Variants in EML1 observed in about 807,000 individuals in gnomAD.
EML1 encodes echinoderm microtubule-associated protein-like 1.
A neutral mutation model predicts 110.4 loss-of-function variants in EML1; 27 were observed. The observed-to-expected ratio is 0.24, with a 90% CI of 0.18 to 0.34. The LOEUF is 0.34. EML1 is among the 10% of genes least tolerant of loss of function. EML1 has a pLI of 1.00. For synonymous variants in EML1, 344 were observed against 385.8 expected (o/e 0.89, Z 1.27); for missense variants, 741 against 1,030.9 (o/e 0.72, Z 3.85).
At chr14:99,889,883 C>T (rs2059556875) in intron 4 of EML1, among the ~76,000 whole-genome samples, 1 of 152,160 alleles carries the variant, frequency 6.6e-6, no homozygotes, top group South Asian at 2.1e-4. Flanking sequence ...AAGCCTATAG[C>T]TTACAAAACT....
chr14:99,919,756 C>G (rs961938691), intron 16 of EML1, among the ~76,000 whole-genome samples: 1 of 152,090 alleles, frequency 6.6e-6, no homozygotes, highest in Non-Finnish European at 1.5e-5. Flanking sequence ...TCAGCCCCAG[C>G]CTTTATTAAG....
In EML1 at chr14:99,914,555, G is replaced by T; in HGVS notation, c.1621-11G>T. The T allele has an allele frequency of 6.3e-7, 1 of 1,582,128 alleles. No homozygotes were observed. Among genetic ancestry groups the T allele is most frequent in the African/African-American group, 1.4e-5 (1 of 72,720 alleles). On this transcript the variant is annotated splice_polypyrimidine_tract_variant and intron_variant, in intron 14 of 21. Coordinates refer to ENST00000262233, the MANE Select transcript of EML1 (RefSeq NM_004434.3). ...TCTCAGAGCGCTTCTGTTTGTCTTG[G>T]TTATTTGTAGGGTCACACTGATGAG...
chr14:99,829,957 C>T (rs185569786), intron 1 of EML1, among the ~76,000 whole-genome samples: 1 of 152,156 alleles, frequency 6.6e-6, no homozygotes, highest in African/African-American at 2.4e-5. Flanking sequence ...TTGAACATAG[C>T]TTTGAAATAC....
At chr14:99,798,832 C>A (rs1566869962) in intron 1 of EML1, among the ~76,000 whole-genome samples, 1 of 149,192 alleles carries the variant, frequency 6.7e-6, no homozygotes, top group African/African-American at 2.5e-5. Context: ...ATTTAATTAC[C>A]TTTTTTTTTT....
intron 1 of EML1, among the ~76,000 whole-genome samples, chr14:99,847,011 A>C (rs2058717235): frequency 1.3e-5 from 2 of 152,268 alleles, no homozygotes; most frequent in Admixed American, 6.5e-5. Context: ...TTTTCCTCAA[A>C]GCCCTGCTTT....
intron 1 of EML1, among the ~76,000 whole-genome samples, chr14:99,767,429 C>T (rs146192043): frequency 0.02 from 3,077 of 152,304 alleles, 40 homozygotes; most frequent in Non-Finnish European, 0.032. Flanking sequence ...TGGTGAAGCC[C>T]CAACTCTACT....
upstream of EML1, among the ~76,000 whole-genome samples, chr14:99,792,450 C>A (rs2057686288): frequency 6.6e-6 from 1 of 152,190 alleles, no homozygotes; most frequent in African/African-American, 2.4e-5. Context: ...TCTTTACTTA[C>A]TTTACTCCAT....
At chr14:99,758,998 G>A (rs1303417304) in intron 1 of EML1, among the ~76,000 whole-genome samples, 3 of 152,218 alleles carry the variant, frequency 2.0e-5, no homozygotes, top group Non-Finnish European at 2.9e-5. Context: ...CTTGCTTCAC[G>A]CCCATAGATG....
chr14:99,780,825 T>TG (rs148160965), intron 1 of EML1, among the ~76,000 whole-genome samples: 125 of 152,332 alleles, frequency 8.2e-4, no homozygotes, highest in African/African-American at 2.9e-3. Flanking sequence ...CTAGGAGCAA[T>TG]GGGCTGTACC....
intron 9 of EML1, among the ~76,000 whole-genome samples, chr14:99,906,660 T>C (rs143539869): frequency 0.012 from 1,834 of 152,310 alleles, 18 homozygotes; most frequent in Middle Eastern, 0.048. Flanking sequence ...CCTAACCATC[T>C]GGGAATGCAG....
intron 1 of EML1, among the ~76,000 whole-genome samples, chr14:99,756,561 A>G (rs972963965): frequency 3.3e-5 from 5 of 152,210 alleles, no homozygotes; most frequent in Admixed American, 6.5e-5. Context: ...TTGGAGCCAT[A>G]TGACAGTCTA....
intron 13 of EML1, among the ~76,000 whole-genome samples, chr14:99,912,023 G>A (rs1488179336): frequency 1.3e-5 from 2 of 150,424 alleles, no homozygotes; most frequent in African/African-American, 4.9e-5. Context: ...AGCCTCCCAA[G>A]TAGCTGCGAC....
intron 1 of EML1, among the ~76,000 whole-genome samples, chr14:99,805,973 T>TC (rs2057965464): frequency 6.6e-6 from 1 of 152,060 alleles, no homozygotes; most frequent in African/African-American, 2.4e-5. Context: ...TTCCCCACTC[T>TC]CCCCCGCCAG....
At chr14:99,856,567 T>G (rs1019001179) in intron 2 of EML1, among the ~76,000 whole-genome samples, 1 of 152,232 alleles carries the variant, frequency 6.6e-6, no homozygotes, top group African/African-American at 2.4e-5. Context: ...CTACTGCACC[T>G]TCTCCTTACA....
At position 99,906,094 on chromosome 14, in the gene EML1, C is replaced by T. The variant is rs180828637; in HGVS notation, c.1009-1544C>T. On this transcript the variant is annotated intron_variant, in intron 9 of 21. Coordinates refer to ENST00000262233, the MANE Select transcript of EML1 (RefSeq NM_004434.3). The stretch of plus-strand genomic sequence containing the variant: ...GGAGGTTTCCTCAGTATTGTCCCTT[C>T]TGTGGTCTCCAGAAAGATGTCACTG... Among the ~76,000 whole-genome samples the T allele has an allele frequency of 1.7e-4, 26 of 152,256 alleles. No homozygotes were observed. The East Asian group carries it at 4.8e-3, about 28-fold the overall frequency.
intron 2 of EML1, among the ~76,000 whole-genome samples, chr14:99,858,926 T>C (rs1460983270): frequency 6.6e-6 from 1 of 152,238 alleles, no homozygotes; most frequent in African/African-American, 2.4e-5. Flanking sequence ...TTAAGCCTAA[T>C]GGGAGTTTTA....
rs376862129 is a variant in EML1 at position 99,823,120 on chromosome 14, C to T, written c.68-27733C>T. The stretch of plus-strand genomic sequence containing the variant: ...TCTGGTTTGAGATGCGTGATCCTGC[C>T]GTGCCCTCCGGTTCCAGGGTGGGGT... On this transcript the variant is annotated intron_variant, in intron 1 of 21. Coordinates refer to ENST00000262233, the MANE Select transcript of EML1 (RefSeq NM_004434.3). Among the ~76,000 whole-genome samples, 273 of 152,282 alleles carry T rather than the reference C, an allele frequency of 1.8e-3. 1 individual carries two copies. Among genetic ancestry groups the T allele is most frequent in the African/African-American group, 6.3e-3 (260 of 41,560 alleles).
At chr14:99,843,273 G>A (rs1386134070) in intron 1 of EML1, among the ~76,000 whole-genome samples, 1 of 152,110 alleles carries the variant, frequency 6.6e-6, no homozygotes, top group Non-Finnish European at 1.5e-5. Flanking sequence ...ATAAATGCAT[G>A]AGTCTATGCT....
At chr14:99,767,428 C>T (rs1228440042) in intron 1 of EML1, among the ~76,000 whole-genome samples, 1 of 152,190 alleles carries the variant, frequency 6.6e-6, no homozygotes, top group East Asian at 1.9e-4. Flanking sequence ...ATGGTGAAGC[C>T]CCAACTCTAC....
Sources: allele counts gnomAD v4.1 joint callset (sites outside exome capture counted in the v4.1 genomes callset), GRCh38; gene constraint gnomAD v4.1.1; transcripts MANE v1.5; gene names NCBI Gene and HGNC (gene_info 2026-07-23, HGNC 2026-07-21).